The following RIPOR3 variants were observed in gnomAD, a reference collection of about 807,000 sequenced individuals.
The protein encoded by RIPOR3 is RIPOR family member 3.
A neutral mutation model predicts 114.3 loss-of-function variants in RIPOR3; 95 were observed. That is an observed-to-expected ratio of 0.83 (90% confidence interval 0.70 to 0.99). RIPOR3 has a LOEUF of 0.99. Ranked by LOEUF, RIPOR3 falls within the 50% of genes least tolerant of loss-of-function variation. RIPOR3 has a pLI of 0.00. For synonymous variants in RIPOR3, 575 were observed against 543.8 expected (o/e 1.06, Z -0.80); for missense variants, 1,252 against 1,266.9 (o/e 0.99, Z 0.18).
At chr20:50,616,159 C>T in intron 3 of RIPOR3, 79 bp from the exon 4 acceptor site, 1 of 1,436,746 alleles carries the variant, frequency 7.0e-7, no homozygotes, top group Admixed American at 2.0e-5. Flanking sequence ...GGACAATGTC[C>T]CCACGTGGAG....
chr20:50,592,640 G>A, intron 18 of RIPOR3, 94 bp from the exon 19 acceptor site: 1 of 1,178,564 alleles, frequency 8.5e-7, no homozygotes, highest in Middle Eastern at 2.6e-4. Flanking sequence ...TAGCCACAGA[G>A]GAACAAATCC....
At chr20:50,663,075 T>C in intron 1 of RIPOR3, among the ~76,000 whole-genome samples, 1 of 131,356 alleles carries the variant, frequency 7.6e-6, no homozygotes, top group Non-Finnish European at 1.5e-5. Flanking sequence ...CCAGCCCGGG[T>C]GACAGAGAGA....
chr20:50,676,204 G>A (rs187748438), intron 1 of RIPOR3, among the ~76,000 whole-genome samples: 69 of 152,280 alleles, frequency 4.5e-4, no homozygotes, highest in African/African-American at 1.4e-3. Context: ...TCACCCCGAC[G>A]GGCTGCTTCC....
intron 2 of RIPOR3, among the ~76,000 whole-genome samples, chr20:50,629,979 T>A (rs560930893): frequency 1.3e-5 from 2 of 151,644 alleles, no homozygotes; most frequent in African/African-American, 4.9e-5. Flanking sequence ...TTTTTGTGGG[T>A]TTTTTTGAGA....
At chr20:50,621,451 A>G (rs1314213499) in intron 2 of RIPOR3, among the ~76,000 whole-genome samples, 1 of 152,232 alleles carries the variant, frequency 6.6e-6, no homozygotes. Flanking sequence ...GCACATGCAC[A>G]CATGCACACG....
chr20:50,636,484 T>C lies in RIPOR3; in HGVS notation c.4-5628A>G, dbSNP rs558862994. ...ATGCTCGGGTGGCTTAGGGCAGCCC[T>C]GGGTAACCAGCACTCTGCAGGCATG... On this transcript the variant is annotated intron_variant, in intron 1 of 21. Transcript: ENST00000327979. 3 of 936,864 alleles carry C rather than the reference T, an allele frequency of 3.2e-6. No individual in the cohort carries two copies. In the African/African-American group the frequency reaches 5.3e-5, roughly 17 times the overall value. 58.0% of individuals were successfully genotyped at this position (936,864 alleles called of 1,614,324 possible).
intron 2 of RIPOR3, among the ~76,000 whole-genome samples, chr20:50,624,166 T>C (rs1252338890): frequency 6.6e-6 from 1 of 152,186 alleles, no homozygotes; most frequent in Non-Finnish European, 1.5e-5. Context: ...TAAGTGATGC[T>C]TTCCAAAGCC....
At chr20:50,614,796 T>C (rs151024275) in intron 4 of RIPOR3, 8,237 of 168,432 alleles carry the variant, frequency 0.049, 282 homozygotes, top group Middle Eastern at 0.094. Flanking sequence ...CAGTGGCTCA[T>C]GCCTGTAATC....
intron 1 of RIPOR3, among the ~76,000 whole-genome samples, chr20:50,657,418 T>C (rs6067501): frequency 0.52 from 79,436 of 151,974 alleles, 23,110 homozygotes; most frequent in Middle Eastern, 0.66. Context: ...TCCCAGCTAC[T>C]TGGGAGGCTG....
At chr20:50,647,266 G>A (rs919525541) in intron 1 of RIPOR3, among the ~76,000 whole-genome samples, 7 of 152,046 alleles carry the variant, frequency 4.6e-5, no homozygotes, top group African/African-American at 1.7e-4. Context: ...GTTGTAGTGA[G>A]CCAGGATCGC....
chr20:50,587,732 G>A (rs1054961739), intron 21 of RIPOR3, 70 bp downstream of exon 21: 21 of 1,455,468 alleles, frequency 1.4e-5, no homozygotes, highest in African/African-American at 5.6e-5. Flanking sequence ...GGAGAGCTGG[G>A]TGTGGCCTCT....
intron 3 of RIPOR3, among the ~76,000 whole-genome samples, chr20:50,619,755 C>T (rs892885070): frequency 6.6e-6 from 1 of 152,242 alleles, no homozygotes; most frequent in African/African-American, 2.4e-5. Flanking sequence ...GCAGTGCGTG[C>T]TCCACAAGAT....
chr20:50,689,586 G>A (rs1250974105), intron 1 of RIPOR3, among the ~76,000 whole-genome samples: 1 of 152,222 alleles, frequency 6.6e-6, no homozygotes. Context: ...GGGTTGCGGA[G>A]AGATTTTAGA....
chr20:50,616,917 C>T lies in RIPOR3; in HGVS notation c.270-837G>A, dbSNP rs560296452. 1.8e-4 allele frequency among the ~76,000 whole-genome samples: 27 copies of T among 152,230 alleles called. No individual in the cohort carries two copies. The Middle Eastern group carries it at 0.01, about 58-fold the overall frequency. On this transcript the variant is annotated intron_variant, in intron 3 of 21. Transcript: ENST00000327979. ...TAACACTTTGGGAGGCCGAGGTGGG[C>T]GGATCACAAGGTCAGGTAATCGAGA...
chr20:50,678,029 G>C (rs2086732547), intron 1 of RIPOR3, among the ~76,000 whole-genome samples: 1 of 152,160 alleles, frequency 6.6e-6, no homozygotes, highest in Non-Finnish European at 1.5e-5. Flanking sequence ...GGAGTTACAA[G>C]GGTGGAGGTG....
chr20:50,621,105 T>C lies in RIPOR3; in HGVS notation c.123-973A>G, dbSNP rs2084385706. 6 of 181,608 alleles carry C rather than the reference T, an allele frequency of 3.3e-5. No homozygotes were observed. The Admixed American group carries it at 3.8e-4, about 11-fold the overall frequency. 11.2% of individuals were successfully genotyped at this position (181,608 alleles called of 1,614,324 possible). ...CCCCTCCCCTGCCCTCTCCCGGAAA[T>C]ATAGAACAGCTTGACAAAAAAAAAA... On this transcript the variant is annotated intron_variant, in intron 2 of 21. Coordinates refer to ENST00000327979, the MANE Select transcript of RIPOR3 (RefSeq NM_001290268.2).
chr20:50,682,612 A>ATGTGTGTGTGTGTGTGTGTGTG (rs71190593), intron 1 of RIPOR3, among the ~76,000 whole-genome samples: 5,139 of 146,826 alleles, frequency 0.035, 172 homozygotes, highest in African/African-American at 0.079. Flanking sequence ...GTCTCAAAAT[A>ATGTGTGTGTGTGTGTGTGTGTG]TGTGTGTGTG....
intron 19 of RIPOR3, 33 bp from the exon 20 acceptor site, chr20:50,589,802 G>T: frequency 6.3e-7 from 1 of 1,592,310 alleles, no homozygotes; most frequent in Non-Finnish European, 8.6e-7. Flanking sequence ...GAATGGAGGG[G>T]TAAGCAGAAG....
At chr20:50,595,639 T>A in intron 15 of RIPOR3, 135 bp from the exon 16 acceptor site, 1 of 1,281,310 alleles carries the variant, frequency 7.8e-7, no homozygotes, top group South Asian at 1.4e-5. Context: ...ATTTGGGGAT[T>A]CCCCTTTCAC....
Sources: allele counts gnomAD v4.1 joint callset (sites outside exome capture counted in the v4.1 genomes callset), GRCh38; gene constraint gnomAD v4.1.1; transcripts MANE v1.5; gene names NCBI Gene and HGNC (gene_info 2026-07-23, HGNC 2026-07-21).